The following KDM4B variants were observed in gnomAD, a reference collection of about 807,000 sequenced individuals.
The protein encoded by KDM4B is lysine-specific demethylase 4B.
A neutral mutation model predicts 125.2 loss-of-function variants in KDM4B; 32 were observed. The observed-to-expected ratio is 0.26, with a 90% CI of 0.19 to 0.34. The LOEUF is 0.34. Ranked by LOEUF, KDM4B falls within the 10% of genes least tolerant of loss-of-function variation. The pLI is 1.00. For missense variants in KDM4B, 1,190 were observed against 1,577.7 expected (o/e 0.75, Z 4.16); for synonymous variants, 721 against 677.9 (o/e 1.06, Z -0.99).
At chr19:4,987,815 A>G (rs2034892279) in intron 1 of KDM4B, among the ~76,000 whole-genome samples, 1 of 152,100 alleles carries the variant, frequency 6.6e-6, no homozygotes, top group African/African-American at 2.4e-5. Flanking sequence ...CAGGTGATTC[A>G]TGGCAATGGC....
intron 4 of KDM4B, 119 bp downstream of exon 4, chr19:5,040,130 C>A: frequency 8.8e-7 from 1 of 1,130,040 alleles, no homozygotes; most frequent in Non-Finnish European, 1.2e-6. Flanking sequence ...CCGGCCTGCT[C>A]TGTGTGCCCC....
In KDM4B at chr19:5,150,387, G is replaced by A. The variant is rs758368173; in HGVS notation, c.3051G>A (p.Thr1017=). 19 of 1,551,244 alleles carry A rather than the reference G, an allele frequency of 1.2e-5. 1 individual carries two copies. Among genetic ancestry groups the A allele is most frequent in the South Asian group, 7.1e-5 (6 of 84,066 alleles). Residue 1017 remains threonine (T), a synonymous_variant, in exon 22 of 23, where the codon ACG becomes ACA. Transcript: ENST00000159111. ...AGTTTGAGGACGGGTCCCAGCTGAC[G>A]GTGAAGCGTGGGGACATCTTCACCC... ...QVEFEDGSQL[T]VKRGDIFTLE... is the part of the protein sequence containing the mutation.
At chr19:5,085,259 G>A (rs151056370) in intron 9 of KDM4B, among the ~76,000 whole-genome samples, 12 of 152,204 alleles carry the variant, frequency 7.9e-5, no homozygotes, top group African/African-American at 2.9e-4. Context: ...GCTAAAGGAA[G>A]AGAGATCCAG....
At chr19:4,999,934 C>A in intron 1 of KDM4B, among the ~76,000 whole-genome samples, 2 of 148,620 alleles carry the variant, frequency 1.3e-5, no homozygotes, top group South Asian at 2.2e-4. Context: ...CCGACCCACC[C>A]ACCCACCTAT....
intron 1 of KDM4B, among the ~76,000 whole-genome samples, chr19:4,981,642 T>G (rs1489672191): frequency 1.3e-5 from 2 of 152,038 alleles, no homozygotes; most frequent in African/African-American, 4.8e-5. Flanking sequence ...GGAGTGCAGG[T>G]GGGTTCTCCA....
intron 11 of KDM4B, among the ~76,000 whole-genome samples, chr19:5,123,264 G>A (rs2039394187): frequency 6.6e-6 from 1 of 152,244 alleles, no homozygotes; most frequent in Non-Finnish European, 1.5e-5. Flanking sequence ...TGAAATGGCT[G>A]AAATGTACAA....
Position 5,023,677 on chromosome 19 carries a change from G to A in KDM4B, c.-26+7338G>A, listed in dbSNP as rs551651360. Among the ~76,000 whole-genome samples the A allele has an allele frequency of 4.6e-5, 7 of 152,214 alleles. No homozygotes were observed. In the South Asian group the frequency reaches 1.4e-3, roughly 32 times the overall value. ...GGAGCAGGAGGTGGGACAAGAGGAC[G>A]AGGGCTCGAGGGAGCCCCCACACTT... On this transcript the variant is annotated intron_variant, in intron 2 of 22. Coordinates refer to ENST00000159111, the MANE Select transcript of KDM4B (RefSeq NM_015015.3).
intron 7 of KDM4B, among the ~76,000 whole-genome samples, chr19:5,072,130 T>C (rs1427285426): frequency 6.6e-6 from 1 of 152,240 alleles, no homozygotes; most frequent in East Asian, 1.9e-4. Flanking sequence ...GCCTGGTTGC[T>C]GTCCTCTGTC....
At chr19:5,093,765 C>T (rs950507781) in intron 9 of KDM4B, among the ~76,000 whole-genome samples, 4 of 152,274 alleles carry the variant, frequency 2.6e-5, no homozygotes, top group Admixed American at 6.5e-5. Flanking sequence ...CAGTGGTCAC[C>T]GCGCAGGTCA....
At chr19:5,092,553 G>C (rs1353716530) in intron 9 of KDM4B, among the ~76,000 whole-genome samples, 1 of 152,176 alleles carries the variant, frequency 6.6e-6, no homozygotes, top group Non-Finnish European at 1.5e-5. Flanking sequence ...CTCGTGGTGT[G>C]GCTCGAGGGC....
At chr19:5,090,540 C>A (rs1264216335) in intron 9 of KDM4B, among the ~76,000 whole-genome samples, 2 of 41,732 alleles carry the variant, frequency 4.8e-5, no homozygotes, top group South Asian at 1.3e-3. Flanking sequence ...CCCCGCTCCC[C>A]CTCTCTCTCT....
intron 1 of KDM4B, among the ~76,000 whole-genome samples, chr19:4,994,080 ACCTCCCGG>A (rs934724033): frequency 9.3e-6 from 1 of 107,054 alleles, no homozygotes; most frequent in Non-Finnish European, 1.8e-5. Context: ...CAGGGTTTCG[ACCTCCCGG>A]CATGCACCAC....
intron 22 of KDM4B, among the ~76,000 whole-genome samples, 179 bp downstream of exon 22, chr19:5,150,629 T>G (rs2039930073): frequency 6.6e-6 from 1 of 152,144 alleles, no homozygotes; most frequent in Non-Finnish European, 1.5e-5. Context: ...CAGGAGACCC[T>G]TCCTTTGCCT....
intron 5 of KDM4B, chr19:5,047,094 G>C (rs954705412): frequency 6.0e-6 from 1 of 166,004 alleles, no homozygotes; most frequent in Non-Finnish European, 1.3e-5. Flanking sequence ...AGGAGTTCGA[G>C]ACCAGCCTGG....
At chr19:5,094,673 C>T (rs1263971504) in intron 9 of KDM4B, among the ~76,000 whole-genome samples, 2 of 152,000 alleles carry the variant, frequency 1.3e-5, no homozygotes, top group Non-Finnish European at 2.9e-5. Context: ...TGTAGGTGTG[C>T]GGTGGTGCTG....
At chr19:5,110,919 G>A in intron 10 of KDM4B, 101 bp downstream of exon 10, 2 of 907,218 alleles carry the variant, frequency 2.2e-6, no homozygotes, top group East Asian at 2.7e-5. Context: ...TCCGGGCCGT[G>A]TCCCACTCCT....
At chr19:4,988,151 C>T (rs2145361664) in intron 1 of KDM4B, among the ~76,000 whole-genome samples, 1 of 152,336 alleles carries the variant, frequency 6.6e-6, no homozygotes, top group Non-Finnish European at 1.5e-5. Flanking sequence ...GGGGCTGCAT[C>T]GGGCAGGACA....
rs374180708 is a variant in KDM4B at position 5,144,028 on chromosome 19, A to G, written c.2612A>G (p.Tyr871Cys). Residue 871 changes from tyrosine to cysteine, a missense_variant, in exon 19 of 23, where the codon TAC becomes TGC. Tyr to Cys is a radical substitution (Grantham distance 194). Transcript: ENST00000159111. ...TCAGGTGCCTGTATCCAGTGCTCCT[A>G]CGAGCACTGCTCCACGTCCTTCCAC... is the stretch of plus-strand genomic sequence containing the variant. Reference protein sequence around the residue: ...KVSGACIQCSYEHCSTSFHVT... With the variant: ...KVSGACIQCSCEHCSTSFHVT... 2.5e-6 allele frequency: 4 copies of G among 1,601,232 alleles called. No homozygotes were observed. Among genetic ancestry groups the G allele is most frequent in the Non-Finnish European group, 8.5e-7 (1 of 1,169,968 alleles).
chr19:5,151,227 A>G, intron 22 of KDM4B, 108 bp from the exon 23 acceptor site: 1 of 988,208 alleles, frequency 1.0e-6, no homozygotes. Context: ...CCCCCACAGC[A>G]ATCAGGGCTC....
Sources: gnomAD v4.1 joint callset for allele counts (sites outside exome capture counted in the v4.1 genomes callset) on GRCh38, gnomAD v4.1.1 for gene constraint, MANE v1.5 for transcripts, NCBI Gene and HGNC (gene_info 2026-07-23, HGNC 2026-07-21) for gene names.